Variants in FNDC3B observed in about 807,000 individuals in gnomAD.
FNDC3B encodes fibronectin type III domain containing 3B.
In FNDC3B, 12 loss-of-function variants were observed where a neutral mutation model predicts 151.5. The observed-to-expected ratio is 0.08, with a 90% CI of 0.05 to 0.13. The LOEUF (loss-of-function observed/expected upper bound fraction) is 0.13, where lower values mean the gene tolerates loss of function less well. Among genes scored for constraint, FNDC3B ranks in the 10% least tolerant of loss-of-function variants. FNDC3B has a pLI of 1.00. For missense variants in FNDC3B, 1,214 were observed against 1,505.3 expected, an observed-to-expected ratio of 0.81 and a Z score of 3.20; for synonymous variants, 528 against 549.0, an observed-to-expected ratio of 0.96 and a Z score of 0.54.
chr3:172,057,327 C>T (rs531683440), intron 1 of FNDC3B, among the ~76,000 whole-genome samples: 4 of 152,294 alleles, frequency 2.6e-5, no homozygotes, highest in East Asian at 3.9e-4. Context: ...GGGAACAGTG[C>T]GTTGCAGGTT....
In FNDC3B at chr3:172,380,926, C is replaced by T. The variant is rs574945990; in HGVS notation, c.3176-40C>T. ...TAAAGTGTTGACTATTAACATGATA[C>T]TTTGAATTTTGAGCTTGGATGTGTG... On this transcript the variant is annotated intron_variant, in intron 24 of 25. Coordinates refer to ENST00000415807, the MANE Select transcript of FNDC3B (RefSeq NM_022763.4). 127 of 1,607,102 alleles carry T rather than the reference C, an allele frequency of 7.9e-5. No homozygotes were observed. The South Asian group carries it at 1.4e-3, about 17-fold the overall frequency.
At chr3:172,179,852 T>G (rs1723794230) in intron 3 of FNDC3B, among the ~76,000 whole-genome samples, 1 of 98,738 alleles carries the variant, frequency 1.0e-5, no homozygotes, top group African/African-American at 4.7e-5. Flanking sequence ...AGTGAGGCCC[T>G]GTCTCCAAAA....
At chr3:172,083,343 T>C (rs985064597) in intron 1 of FNDC3B, among the ~76,000 whole-genome samples, 5 of 152,236 alleles carry the variant, frequency 3.3e-5, no homozygotes, top group African/African-American at 1.2e-4. Context: ...CAGATGGAGC[T>C]GCACACACTT....
intron 3 of FNDC3B, among the ~76,000 whole-genome samples, chr3:172,158,733 T>G (rs1722624819): frequency 6.6e-6 from 1 of 152,236 alleles, no homozygotes; most frequent in Non-Finnish European, 1.5e-5. Flanking sequence ...TCCAAAGATT[T>G]TTTTCCTTTT....
chr3:172,317,520 C>T (rs1223380742), intron 11 of FNDC3B, among the ~76,000 whole-genome samples: 2 of 152,144 alleles, frequency 1.3e-5, no homozygotes, highest in Non-Finnish European at 2.9e-5. Context: ...ATGGGGGACA[C>T]ATTCAAACCA....
At chr3:172,211,994 G>T (rs114832005) in intron 3 of FNDC3B, among the ~76,000 whole-genome samples, 3,578 of 152,140 alleles carry the variant, frequency 0.024, 146 homozygotes, top group African/African-American at 0.083. Flanking sequence ...CATATTAAAC[G>T]ATCACCAGGG....
At chr3:172,134,503 A>G (rs1721265323) in intron 3 of FNDC3B, 1 of 444,328 alleles carries the variant, frequency 2.3e-6, no homozygotes, top group Non-Finnish European at 4.6e-6. Flanking sequence ...TAATACCTGA[A>G]CTTGCTTACC....
At chr3:172,329,827 C>T (rs1255798330) in intron 12 of FNDC3B, 3 of 152,146 alleles carry the variant, frequency 2.0e-5, no homozygotes, top group Admixed American at 2.0e-4. Context: ...CTTCAGAGTT[C>T]ACTGGTTGAA....
At chr3:172,233,937 A>G (rs1160541256) in intron 4 of FNDC3B, among the ~76,000 whole-genome samples, 2 of 152,202 alleles carry the variant, frequency 1.3e-5, no homozygotes, top group African/African-American at 4.8e-5. Context: ...TCAGTTATCA[A>G]TGGATTTGAA....
chr3:172,206,209 C>A (rs1206772213), intron 3 of FNDC3B, among the ~76,000 whole-genome samples: 1 of 152,128 alleles, frequency 6.6e-6, no homozygotes, highest in East Asian at 1.9e-4. Flanking sequence ...TATTGCAGCT[C>A]ATTAATGCCA....
At chr3:172,206,023 A>G (rs1576796783) in intron 3 of FNDC3B, among the ~76,000 whole-genome samples, 2 of 152,156 alleles carry the variant, frequency 1.3e-5, no homozygotes, top group East Asian at 3.8e-4. Context: ...ATATTCAATC[A>G]TATTTCTTTA....
chr3:172,130,416 A>C (rs973639378), intron 2 of FNDC3B, among the ~76,000 whole-genome samples: 2 of 152,146 alleles, frequency 1.3e-5, no homozygotes, highest in African/African-American at 4.8e-5. Context: ...AAATTACATG[A>C]ACTAAACATT....
intron 3 of FNDC3B, among the ~76,000 whole-genome samples, chr3:172,159,792 TAA>T (rs1722676394): frequency 6.6e-6 from 1 of 152,220 alleles, no homozygotes. Flanking sequence ...GGATTCATTT[TAA>T]AAAGTTAGCC....
At chr3:172,343,319 C>A (rs1047477231) in intron 18 of FNDC3B, among the ~76,000 whole-genome samples, 1 of 152,084 alleles carries the variant, frequency 6.6e-6, no homozygotes, top group African/African-American at 2.4e-5. Flanking sequence ...CAACACTGTC[C>A]CTCACCTTCC....
intron 6 of FNDC3B, among the ~76,000 whole-genome samples, chr3:172,273,771 C>T (rs1358298587): frequency 6.6e-6 from 1 of 152,180 alleles, no homozygotes; most frequent in African/African-American, 2.4e-5. Flanking sequence ...AGAGAAATGG[C>T]TGCTAAGGTG....
At chr3:172,365,229 A>G (rs971900483) in intron 23 of FNDC3B, among the ~76,000 whole-genome samples, 3 of 152,218 alleles carry the variant, frequency 2.0e-5, no homozygotes, top group African/African-American at 7.2e-5. Flanking sequence ...GCAGTTGAAA[A>G]GAACAGTGTC....
chr3:172,332,128 G>A (rs185410876), intron 13 of FNDC3B, among the ~76,000 whole-genome samples: 81 of 152,146 alleles, frequency 5.3e-4, no homozygotes, highest in Non-Finnish European at 7.8e-4. Context: ...GCAGCTCCAC[G>A]CCTGGCTAAT....
intron 3 of FNDC3B, among the ~76,000 whole-genome samples, chr3:172,206,378 G>T (rs1725424387): frequency 6.6e-6 from 1 of 152,158 alleles, no homozygotes; most frequent in East Asian, 1.9e-4. Context: ...TACTTGAAAG[G>T]CCAGGCGCGG....
intron 16 of FNDC3B, chr3:172,338,410 A>G (rs1382205521): frequency 6.6e-6 from 1 of 152,110 alleles, no homozygotes; most frequent in Non-Finnish European, 1.5e-5. Context: ...TCAGTAATCT[A>G]CAAATTCCCA....
Sources: allele counts gnomAD v4.1 joint callset (sites outside exome capture counted in the v4.1 genomes callset), GRCh38; gene constraint gnomAD v4.1.1; transcripts MANE v1.5; gene names NCBI Gene and HGNC (gene_info 2026-07-23, HGNC 2026-07-21).